Variants in SHANK2 observed in about 807,000 individuals in gnomAD.
SHANK2 encodes SH3 and multiple ankyrin repeat domains protein 2.
In SHANK2, 43 loss-of-function variants were observed where a neutral mutation model predicts 133.7. That is an observed-to-expected ratio of 0.32 (90% CI 0.25 to 0.41). The LOEUF is 0.41. Ranked by LOEUF, SHANK2 falls within the 10% of genes least tolerant of loss-of-function variation. SHANK2 has a pLI of 1.00. For synonymous variants in SHANK2, 1,017 were observed against 952.8 expected, an observed-to-expected ratio of 1.07 and a Z score of -1.24; for missense variants, 1,994 against 2,235.8, an observed-to-expected ratio of 0.89 and a Z score of 2.18.
chr11:71,225,588 A>C (rs953417507), intron 1 of SHANK2, among the ~76,000 whole-genome samples: 21 of 152,208 alleles, frequency 1.4e-4, no homozygotes, highest in African/African-American at 4.3e-4. Context: ...AATATGTCCA[A>C]GTTTCATTAG....
chr11:70,665,555 A>AGAAAC (rs1555014673), intron 15 of SHANK2, among the ~76,000 whole-genome samples: 5 of 152,196 alleles, frequency 3.3e-5, no homozygotes, highest in African/African-American at 7.2e-5. Context: ...CTCTGACATT[A>AGAAAC]AGAAGGACTG....
At chr11:71,130,403 A>G (rs1555103460) in intron 3 of SHANK2, among the ~76,000 whole-genome samples, 5 of 152,234 alleles carry the variant, frequency 3.3e-5, no homozygotes, top group Non-Finnish European at 7.3e-5. Context: ...ACAGCAATGT[A>G]GCAAGAAGAG....
intron 10 of SHANK2, among the ~76,000 whole-genome samples, chr11:70,939,870 A>G (rs1300527737): frequency 1.3e-5 from 2 of 152,166 alleles, no homozygotes; most frequent in Non-Finnish European, 2.9e-5. Context: ...AGATGCAGAG[A>G]CTATCCTGGA....
chr11:70,512,070 C>T (rs187864618), intron 17 of SHANK2, among the ~76,000 whole-genome samples: 55 of 152,192 alleles, frequency 3.6e-4, no homozygotes, highest in African/African-American at 1.2e-3. Flanking sequence ...CGATATTATC[C>T]GCTGACACAC....
intron 2 of SHANK2, among the ~76,000 whole-genome samples, chr11:71,190,958 A>G (rs1555115310): frequency 6.6e-6 from 1 of 151,972 alleles, no homozygotes; most frequent in Non-Finnish European, 1.5e-5. Flanking sequence ...ATGCAATGGG[A>G]GAAAGGGACG....
chr11:71,174,023 T>C (rs1555112684), intron 2 of SHANK2, among the ~76,000 whole-genome samples: 1 of 152,248 alleles, frequency 6.6e-6, no homozygotes, highest in Non-Finnish European at 1.5e-5. Context: ...TGCTTCCATC[T>C]GTTTCAGCAG....
intron 15 of SHANK2, among the ~76,000 whole-genome samples, chr11:70,665,543 G>C (rs745709081): frequency 6.6e-6 from 1 of 152,182 alleles, no homozygotes; most frequent in Non-Finnish European, 1.5e-5. Flanking sequence ...AAACTGCTTA[G>C]TCTCTGACAT....
At chr11:70,898,418 T>C (rs1476387161) in intron 10 of SHANK2, among the ~76,000 whole-genome samples, 5 of 151,974 alleles carry the variant, frequency 3.3e-5, no homozygotes, top group Non-Finnish European at 7.3e-5. Context: ...AACTGGGTAA[T>C]GATTACAGGC....
At chr11:71,097,624 T>C (rs1555095751) in intron 6 of SHANK2, among the ~76,000 whole-genome samples, 1 of 152,166 alleles carries the variant, frequency 6.6e-6, no homozygotes, top group African/African-American at 2.4e-5. Flanking sequence ...CAGCAGACTG[T>C]TGGCTCCAGG....
intron 6 of SHANK2, among the ~76,000 whole-genome samples, chr11:71,101,727 A>G (rs529970309): frequency 5.3e-5 from 8 of 152,312 alleles, no homozygotes; most frequent in African/African-American, 1.9e-4. Context: ...CTGCTCTTCA[A>G]GACGATGCTC....
intron 11 of SHANK2, among the ~76,000 whole-genome samples, chr11:70,842,763 G>T (rs185208305): frequency 6.6e-6 from 1 of 152,164 alleles, no homozygotes; most frequent in Admixed American, 6.5e-5. Flanking sequence ...GGCTCCCAGG[G>T]GGGTGGGAGG....
chr11:70,501,844 C>G, intron 20 of SHANK2, 79 bp downstream of exon 20: 5 of 1,463,020 alleles, frequency 3.4e-6, no homozygotes, highest in Non-Finnish European at 3.7e-6. Context: ...GCCTCCGAGG[C>G]CTGGGCTGAG....
chr11:70,875,374 A>AT (rs1312473353), intron 11 of SHANK2, among the ~76,000 whole-genome samples: 1 of 151,706 alleles, frequency 6.6e-6, no homozygotes, highest in African/African-American at 2.4e-5. Flanking sequence ...ACAAAAAAAA[A>AT]ATTAGCCAGG....
intron 8 of SHANK2, among the ~76,000 whole-genome samples, chr11:71,086,750 G>A (rs1951425157): frequency 6.6e-6 from 1 of 151,968 alleles, no homozygotes; most frequent in South Asian, 2.1e-4. Context: ...TTATGAGGAT[G>A]ATCTGGGAGG....
intron 2 of SHANK2, among the ~76,000 whole-genome samples, chr11:71,222,592 C>T (rs1251855527): frequency 6.6e-6 from 1 of 152,218 alleles, no homozygotes; most frequent in East Asian, 1.9e-4. Context: ...GTTAGCTCTG[C>T]CCCAGCCCCG....
chr11:70,522,141 C>G (rs367589067), intron 17 of SHANK2, among the ~76,000 whole-genome samples: 3 of 152,356 alleles, frequency 2.0e-5, no homozygotes, highest in South Asian at 2.1e-4. Context: ...ACTGTACCAG[C>G]TTTCCCCACC....
intron 2 of SHANK2, among the ~76,000 whole-genome samples, chr11:71,165,207 A>G (rs1953116384): frequency 6.6e-6 from 1 of 151,560 alleles, no homozygotes; most frequent in Admixed American, 6.6e-5. Context: ...CTAATTTTGT[A>G]TTTTTAGTAG....
intron 11 of SHANK2, among the ~76,000 whole-genome samples, chr11:70,847,902 G>T (rs1555064066): frequency 6.6e-6 from 1 of 152,244 alleles, no homozygotes; most frequent in African/African-American, 2.4e-5. Context: ...ACCACCAGGA[G>T]ACCACGTCCT....
At chr11:70,832,267 G>A (rs538132406) in intron 11 of SHANK2, among the ~76,000 whole-genome samples, 6 of 152,338 alleles carry the variant, frequency 3.9e-5, no homozygotes, top group African/African-American at 1.4e-4. Context: ...TAAAAAATCT[G>A]TAAGTGGATA....
Sources: allele counts gnomAD v4.1 joint callset (sites outside exome capture counted in the v4.1 genomes callset), GRCh38; gene constraint gnomAD v4.1.1; transcripts MANE v1.5; gene names NCBI Gene and HGNC (gene_info 2026-07-23, HGNC 2026-07-21).